Variants in TPTE observed in about 807,000 individuals in gnomAD.
TPTE encodes transmembrane phosphatase with tensin homology.
A neutral mutation model predicts 84.1 loss-of-function variants in TPTE; 59 were observed. The observed-to-expected ratio is 0.70, with a 90% CI of 0.57 to 0.87. TPTE has a LOEUF of 0.87. TPTE is among the 40% of genes least tolerant of loss of function. The pLI is 0.00. For missense variants in TPTE, 382 were observed against 659.6 expected, an observed-to-expected ratio of 0.58 and a Z score of 4.61; for synonymous variants, 130 against 223.5, an observed-to-expected ratio of 0.58 and a Z score of 3.73.
At chr21:10,556,817 T>C (rs1204072764) in intron 8 of TPTE, among the ~76,000 whole-genome samples, 1 of 152,310 alleles carries the variant, frequency 6.6e-6, no homozygotes, top group East Asian at 1.9e-4. Context: ...TTTTCATGTG[T>C]CTGTTGGCTG....
chr21:10,547,297 C>T (rs1326297208), intron 7 of TPTE, among the ~76,000 whole-genome samples: 1 of 152,306 alleles, frequency 6.6e-6, no homozygotes, highest in African/African-American at 2.4e-5. Flanking sequence ...TGGAGTGCAG[C>T]AAAGGAGTGG....
intron 17 of TPTE, among the ~76,000 whole-genome samples, chr21:10,588,518 C>T (rs1415478803): frequency 1.3e-5 from 2 of 152,306 alleles, no homozygotes; most frequent in Non-Finnish European, 2.9e-5. Flanking sequence ...TAGTATCTCA[C>T]AGGTGCCGTC....
intron 17 of TPTE, among the ~76,000 whole-genome samples, chr21:10,587,851 A>AT (rs1192576824): frequency 1.1e-4 from 17 of 152,354 alleles, no homozygotes; most frequent in African/African-American, 4.1e-4. Flanking sequence ...CGCCCAGCCT[A>AT]TTTTTTGTTT....
chr21:10,543,228 T>G, intron 6 of TPTE, 101 bp from the exon 7 acceptor site: 1 of 1,438,416 alleles, frequency 7.0e-7, no homozygotes. Flanking sequence ...GAGACGGGGT[T>G]TCACCTTGTT....
rs753570153 is a variant in TPTE, at chr21:10,543,337, C to A, written c.128C>A (p.Thr43Lys). 2.5e-6 allele frequency: 4 copies of A among 1,613,986 alleles called. No individual in the cohort carries two copies. The highest frequency in any genetic ancestry group is 4.5e-5 in the East Asian group (2 of 44,882). Reference protein sequence around the residue: ...EEAPAKESPHTSEFKGAARVS... With the variant: ...EEAPAKESPHKSEFKGAARVS... ...CTTTTATCATCCTCTAGCCCACACA[C>A]AAGTGAATTTAAAGGAGCAGCCCGG... The change falls in exon 7 of 24, where the codon ACA (threonine) becomes AAA (lysine). Residue 43 changes from threonine (T) to lysine (K), a missense_variant. By Grantham distance (78) the Thr-to-Lys change is moderately conservative. Transcript: ENST00000618007.
At chr21:10,545,009 T>A (rs1365066225) in intron 7 of TPTE, among the ~76,000 whole-genome samples, 3 of 152,306 alleles carry the variant, frequency 2.0e-5, no homozygotes, top group Non-Finnish European at 4.4e-5. Flanking sequence ...AATAACTGAT[T>A]AATGTCCGTT....
intron 10 of TPTE, among the ~76,000 whole-genome samples, chr21:10,566,725 A>G (rs1488906376): frequency 6.6e-6 from 1 of 152,306 alleles, no homozygotes; most frequent in African/African-American, 2.4e-5. Context: ...GCCTGTAATC[A>G]CAGCACTTTG....
chr21:10,575,222 C>T (rs1333150352), intron 14 of TPTE, among the ~76,000 whole-genome samples: 2 of 152,312 alleles, frequency 1.3e-5, no homozygotes, highest in Non-Finnish European at 2.9e-5. Flanking sequence ...TTCCCCACGA[C>T]ACAGCACAGC....
chr21:10,567,536 C>G, intron 10 of TPTE, 134 bp from the exon 11 acceptor site: 1 of 1,485,038 alleles, frequency 6.7e-7, no homozygotes, highest in Non-Finnish European at 9.0e-7. Context: ...TTAGTCTACT[C>G]TAGAAAATAC....
chr21:10,562,551 A>G (rs2074830696), intron 10 of TPTE, among the ~76,000 whole-genome samples: 1 of 152,306 alleles, frequency 6.6e-6, no homozygotes, highest in Admixed American at 6.5e-5. Flanking sequence ...CTATTAGATA[A>G]GTTTAACAAA....
chr21:10,576,776 A>G (rs1169796311), intron 14 of TPTE, among the ~76,000 whole-genome samples: 6 of 152,198 alleles, frequency 3.9e-5, no homozygotes, highest in South Asian at 4.1e-4. Flanking sequence ...ATATAGTGGT[A>G]TTGATTGTAT....
chr21:10,573,333 T>G (rs1312436196), intron 14 of TPTE, among the ~76,000 whole-genome samples: 3 of 152,310 alleles, frequency 2.0e-5, no homozygotes, highest in African/African-American at 7.2e-5. Flanking sequence ...ACTAGAGCAC[T>G]CAGATAAACA....
intron 10 of TPTE, among the ~76,000 whole-genome samples, chr21:10,563,341 T>C (rs1394487056): frequency 6.6e-6 from 1 of 152,308 alleles, no homozygotes; most frequent in Non-Finnish European, 1.5e-5. Context: ...ATAGTAGGTA[T>C]ACAGAAAAAT....
At chr21:10,585,371 CTT>C (rs1181696455) in intron 17 of TPTE, among the ~76,000 whole-genome samples, 1 of 152,232 alleles carries the variant, frequency 6.6e-6, no homozygotes, top group African/African-American at 2.4e-5. Flanking sequence ...AATTTTTCTA[CTT>C]TATCCTATAA....
At chr21:10,565,708 C>G (rs1190360480) in intron 10 of TPTE, among the ~76,000 whole-genome samples, 1 of 152,294 alleles carries the variant, frequency 6.6e-6, no homozygotes, top group Non-Finnish European at 1.5e-5. Flanking sequence ...TCCACACACA[C>G]TTACAGTGAA....
intron 20 of TPTE, among the ~76,000 whole-genome samples, chr21:10,596,834 G>C: frequency 6.6e-6 from 1 of 152,310 alleles, no homozygotes; most frequent in Non-Finnish European, 1.5e-5. Flanking sequence ...TCTGAGTTTA[G>C]TTCTACATTT....
At chr21:10,532,954 C>T (rs1167554351) in intron 3 of TPTE, among the ~76,000 whole-genome samples, 2 of 152,304 alleles carry the variant, frequency 1.3e-5, no homozygotes, top group African/African-American at 2.4e-5. Flanking sequence ...TTAGAATTTT[C>T]TCTTTGTCTC....
At chr21:10,586,184 A>G (rs1331412704) in intron 17 of TPTE, among the ~76,000 whole-genome samples, 1 of 152,300 alleles carries the variant, frequency 6.6e-6, no homozygotes, top group African/African-American at 2.4e-5. Context: ...TATCTTTTCT[A>G]TTTACCATTT....
intron 10 of TPTE, among the ~76,000 whole-genome samples, chr21:10,566,591 T>C (rs2074926523): frequency 2.0e-5 from 3 of 152,428 alleles, no homozygotes; most frequent in Non-Finnish European, 2.9e-5. Context: ...ATGGCTAAGA[T>C]TTGGAAGCAA....
Sources: allele counts gnomAD v4.1 joint callset (sites outside exome capture counted in the v4.1 genomes callset), GRCh38; gene constraint gnomAD v4.1.1; transcripts MANE v1.5; gene names NCBI Gene and HGNC (gene_info 2026-07-23, HGNC 2026-07-21).